Variants in LRMDA observed in about 807,000 individuals in gnomAD.
LRMDA encodes leucine-rich melanocyte differentiation-associated protein.
Under a neutral mutation model 29.8 loss-of-function variants are expected in LRMDA, and 18 were observed. The ratio of observed to expected loss-of-function variants is 0.60; its 90% CI spans 0.42 to 0.90. The LOEUF (loss-of-function observed/expected upper bound fraction) is 0.90, where lower values mean the gene tolerates loss of function less well. LRMDA is among the 40% of genes least tolerant of loss of function. The pLI is 0.00. For synonymous variants in LRMDA, 125 were observed against 109.4 expected (o/e 1.14, Z -0.89); for missense variants, 273 against 273.9 (o/e 1.00, Z 0.02).
intron 5 of LRMDA, among the ~76,000 whole-genome samples, chr10:76,245,183 T>C (rs570257607): frequency 1.3e-5 from 2 of 152,252 alleles, no homozygotes; most frequent in East Asian, 1.9e-4. Context: ...ATATTGGATG[T>C]TCTCTTATAT....
chr10:76,243,245 C>A (rs577912551), intron 5 of LRMDA, among the ~76,000 whole-genome samples: 2 of 152,068 alleles, frequency 1.3e-5, no homozygotes, highest in South Asian at 2.1e-4. Context: ...CTACAGAGTT[C>A]GAGGAGTCAG....
At chr10:76,116,459 A>G (rs1313519251) in intron 5 of LRMDA, among the ~76,000 whole-genome samples, 2 of 152,116 alleles carry the variant, frequency 1.3e-5, no homozygotes, top group Non-Finnish European at 2.9e-5. Flanking sequence ...CAAGACTAGA[A>G]CCCCAGGCTT....
At chr10:75,607,133 G>T (rs970078766) in intron 2 of LRMDA, among the ~76,000 whole-genome samples, 24 of 152,192 alleles carry the variant, frequency 1.6e-4, no homozygotes, top group Admixed American at 1.6e-3. Flanking sequence ...TTAATGACTA[G>T]TTAAAAATAC....
intron 2 of LRMDA, among the ~76,000 whole-genome samples, chr10:75,590,667 TA>T (rs1277842484): frequency 6.6e-6 from 1 of 151,220 alleles, no homozygotes; most frequent in Non-Finnish European, 1.5e-5. Flanking sequence ...AATAATGCCT[TA>T]AATATTTTTT....
At chr10:75,793,565 A>G (rs1048353936) in intron 2 of LRMDA, among the ~76,000 whole-genome samples, 1 of 152,218 alleles carries the variant, frequency 6.6e-6, no homozygotes, top group Non-Finnish European at 1.5e-5. Flanking sequence ...GTATAAACAA[A>G]TGGTAGGATT....
intron 2 of LRMDA, among the ~76,000 whole-genome samples, chr10:75,610,841 C>A: frequency 6.6e-6 from 1 of 152,178 alleles, no homozygotes; most frequent in East Asian, 1.9e-4. Context: ...ATAGCAAACC[C>A]TTTCTTTGGC....
intron 6 of LRMDA, among the ~76,000 whole-genome samples, chr10:76,532,773 G>A (rs749420367): frequency 2.0e-5 from 3 of 152,178 alleles, no homozygotes; most frequent in Non-Finnish European, 4.4e-5. Flanking sequence ...AGCCATTTCA[G>A]CTTTTCCTAG....
intron 6 of LRMDA, among the ~76,000 whole-genome samples, chr10:76,363,272 AAGGAAAGG>A (rs1235296736): frequency 9.8e-5 from 3 of 30,758 alleles, no homozygotes; most frequent in Admixed American, 2.2e-4. Context: ...GGAAGGAAGG[AAGGAAAGG>A]AAGGAAGGAA....
At chr10:75,819,642 T>C (rs11001509) in intron 2 of LRMDA, among the ~76,000 whole-genome samples, 5,371 of 152,168 alleles carry the variant, frequency 0.035, 253 homozygotes, top group African/African-American at 0.11. Context: ...GGCAGGTCAT[T>C]GGGTTGGCAG....
At chr10:76,428,312 T>G (rs1842151777) in intron 6 of LRMDA, among the ~76,000 whole-genome samples, 1 of 152,196 alleles carries the variant, frequency 6.6e-6, no homozygotes, top group Admixed American at 6.5e-5. Context: ...TACTTGTTTT[T>G]GAAAGCTCAT....
chr10:76,202,622 G>A (rs1851454218), intron 5 of LRMDA, among the ~76,000 whole-genome samples: 1 of 152,018 alleles, frequency 6.6e-6, no homozygotes, highest in Non-Finnish European at 1.5e-5. Flanking sequence ...TGGCAGTCAG[G>A]AGCCCTTTAG....
chr10:76,363,266 GGAAGGAAGGA>G (rs1841349213), intron 6 of LRMDA, among the ~76,000 whole-genome samples: 1 of 59,826 alleles, frequency 1.7e-5, no homozygotes, highest in African/African-American at 7.5e-5. Flanking sequence ...AAGGAAGGAA[GGAAGGAAGGA>G]AAGGAAGGAA....
At chr10:75,463,065 G>C (rs1844606359) in intron 2 of LRMDA, among the ~76,000 whole-genome samples, 1 of 152,166 alleles carries the variant, frequency 6.6e-6, no homozygotes, top group Admixed American at 6.5e-5. Flanking sequence ...GTTGCCGCTG[G>C]TGAGAGAGGA....
intron 2 of LRMDA, among the ~76,000 whole-genome samples, chr10:75,874,792 A>G (rs1053258722): frequency 6.6e-6 from 1 of 152,226 alleles, no homozygotes; most frequent in Non-Finnish European, 1.5e-5. Flanking sequence ...ATATAATAGT[A>G]TATACTAATG....
intron 5 of LRMDA, among the ~76,000 whole-genome samples, chr10:76,151,033 T>C (rs11001639): frequency 0.15 from 22,886 of 152,090 alleles, 2,126 homozygotes; most frequent in Admixed American, 0.24. Context: ...CCAAGCGCCC[T>C]GTATGCACCT....
chr10:75,569,532 A>G (rs1323654928), intron 2 of LRMDA, among the ~76,000 whole-genome samples: 1 of 152,250 alleles, frequency 6.6e-6, no homozygotes, highest in Non-Finnish European at 1.5e-5. Flanking sequence ...ATCAACAGCA[A>G]TAAAAACCCA....
chr10:75,754,513 A>G (rs1179031698), intron 2 of LRMDA, among the ~76,000 whole-genome samples: 1 of 152,222 alleles, frequency 6.6e-6, no homozygotes, highest in Non-Finnish European at 1.5e-5. Context: ...AAAATTGAAT[A>G]CATTCTTTTT....
chr10:75,458,005 A>G (rs895095308), intron 2 of LRMDA, among the ~76,000 whole-genome samples: 2 of 152,222 alleles, frequency 1.3e-5, no homozygotes, highest in South Asian at 4.1e-4. Context: ...AAAATCAAGG[A>G]GATCATTAAG....
At chr10:75,696,403 C>T (rs182195582) in intron 2 of LRMDA, among the ~76,000 whole-genome samples, 3 of 152,242 alleles carry the variant, frequency 2.0e-5, no homozygotes, top group Non-Finnish European at 4.4e-5. Context: ...TGCCACAGCT[C>T]GTGGGCAGAA....
Sources: gnomAD v4.1 joint callset for allele counts (sites outside exome capture counted in the v4.1 genomes callset) on GRCh38, gnomAD v4.1.1 for gene constraint, MANE v1.5 for transcripts, NCBI Gene and HGNC (gene_info 2026-07-23, HGNC 2026-07-21) for gene names.